Variants in PHLPP1 observed in about 807,000 individuals in gnomAD.
PHLPP1 encodes the protein PH domain and leucine rich repeat protein phosphatase 1.
Under a neutral mutation model 117.2 loss-of-function variants are expected in PHLPP1, and 42 were observed. That is an observed-to-expected ratio of 0.36 (90% CI 0.28 to 0.46). PHLPP1 has a LOEUF of 0.46. Ranked by LOEUF, PHLPP1 falls within the 20% of genes least tolerant of loss-of-function variation. PHLPP1 has a pLI of 1.00. For synonymous variants in PHLPP1, 1,042 were observed against 970.7 expected, an observed-to-expected ratio of 1.07 and a Z score of -1.37; for missense variants, 2,084 against 2,241.9, an observed-to-expected ratio of 0.93 and a Z score of 1.42.
At chr18:62,902,669 T>C (rs1916752382) in intron 6 of PHLPP1, among the ~76,000 whole-genome samples, 2 of 152,192 alleles carry the variant, frequency 1.3e-5, no homozygotes, top group Admixed American at 1.3e-4. Flanking sequence ...TTAAGTGGAA[T>C]TTTTTTCCCT....
chr18:62,849,942 A>C lies in PHLPP1; in HGVS notation c.1900-10493A>C, dbSNP rs560617479. Among the ~76,000 whole-genome samples the C allele has an allele frequency of 2.7e-5, 4 of 149,398 alleles. No individual in the cohort carries two copies. In the East Asian group the frequency reaches 7.8e-4, roughly 29 times the overall value. ...TTTCTACGCCTACTCCGAAGGGTTAAATTCTTCTACCCACTGGTCTAATTT... is the reference window on the plus strand; with the variant it reads ...TTTCTACGCCTACTCCGAAGGGTTACATTCTTCTACCCACTGGTCTAATTT... On this transcript the variant is annotated intron_variant, in intron 3 of 16. Transcript: ENST00000262719.
chr18:62,945,676 T>G (rs1910262266), intron 12 of PHLPP1, among the ~76,000 whole-genome samples: 1 of 152,190 alleles, frequency 6.6e-6, no homozygotes, highest in South Asian at 2.1e-4. Flanking sequence ...CCCTACCAAC[T>G]CACCCAGTTA....
intron 1 of PHLPP1, among the ~76,000 whole-genome samples, chr18:62,784,725 G>T (rs1170175008): frequency 6.6e-6 from 1 of 152,202 alleles, no homozygotes. Flanking sequence ...TTTTGAGAGT[G>T]AATTGGAACA....
At chr18:62,917,445 GGGACA>G (rs1909325528) in intron 9 of PHLPP1, among the ~76,000 whole-genome samples, 1 of 114,822 alleles carries the variant, frequency 8.7e-6, no homozygotes, top group Non-Finnish European at 1.9e-5. Flanking sequence ...TTTAACATGT[GGGACA>G]AAAAGAGTAT....
At chr18:62,823,640 A>G (rs990298813) in intron 1 of PHLPP1, among the ~76,000 whole-genome samples, 1 of 150,830 alleles carries the variant, frequency 6.6e-6, no homozygotes, top group Non-Finnish European at 1.5e-5. Context: ...GTAGATATAT[A>G]TAGATATCTG....
At chr18:62,971,001 T>G (rs1293764542) in intron 14 of PHLPP1, among the ~76,000 whole-genome samples, 1 of 152,212 alleles carries the variant, frequency 6.6e-6, no homozygotes, top group Non-Finnish European at 1.5e-5. Context: ...TTGTACTGGC[T>G]TAGAAATCTA....
intron 3 of PHLPP1, among the ~76,000 whole-genome samples, chr18:62,851,165 C>T (rs1205563609): frequency 6.6e-6 from 1 of 152,168 alleles, no homozygotes; most frequent in African/African-American, 2.4e-5. Context: ...CATGCTGCCT[C>T]CTCATCCCCA....
chr18:62,906,785 G>C (rs10451407), intron 8 of PHLPP1, among the ~76,000 whole-genome samples: 1 of 1,538 alleles, frequency 6.5e-4, no homozygotes, highest in South Asian at 6.5e-3. Context: ...CGGGAAGCTC[G>C]AACTGGGTGG....
At position 62,781,388 on chromosome 18, in the gene PHLPP1, T is replaced by C. The variant is rs546224916; in HGVS notation, c.1577-48647T>C. On this transcript the variant is annotated intron_variant, in intron 1 of 16. Coordinates refer to ENST00000262719, the MANE Select transcript of PHLPP1 (RefSeq NM_194449.4). The stretch of plus-strand genomic sequence containing the variant: ...CCTACCAGGGCCTCGCCATGGACAG[T>C]AGACAGGTGTCTGCTTCATCTTACG... 4.6e-5 allele frequency among the ~76,000 whole-genome samples: 7 copies of C among 152,330 alleles called. No individual in the cohort carries two copies. The East Asian group carries it at 9.7e-4, about 21-fold the overall frequency.
At chr18:62,897,206 T>A (rs1320904770) in intron 6 of PHLPP1, among the ~76,000 whole-genome samples, 3 of 152,176 alleles carry the variant, frequency 2.0e-5, no homozygotes, top group Admixed American at 6.5e-5. Context: ...CTGGTACATG[T>A]AGGGAGACAT....
chr18:62,943,686 A>G (rs1288942514), intron 11 of PHLPP1, among the ~76,000 whole-genome samples: 4 of 152,138 alleles, frequency 2.6e-5, no homozygotes, highest in African/African-American at 9.7e-5. Flanking sequence ...GAAGGGCATC[A>G]AGCCATTCAT....
intron 10 of PHLPP1, among the ~76,000 whole-genome samples, chr18:62,931,693 G>GACC (rs1030085649): frequency 6.6e-6 from 1 of 151,648 alleles, no homozygotes; most frequent in African/African-American, 2.4e-5. Flanking sequence ...AAGAGTTTGA[G>GACC]ACCAGCCTGG....
At chr18:62,863,716 T>C (rs1915692045) in intron 4 of PHLPP1, among the ~76,000 whole-genome samples, 1 of 152,236 alleles carries the variant, frequency 6.6e-6, no homozygotes, top group Non-Finnish European at 1.5e-5. Flanking sequence ...CAGCATACAA[T>C]GAGCCGTGAG....
chr18:62,972,217 ATCTTC>A (rs1337253714), intron 14 of PHLPP1, among the ~76,000 whole-genome samples: 1 of 151,622 alleles, frequency 6.6e-6, no homozygotes, highest in East Asian at 1.9e-4. Flanking sequence ...TGGATTCATA[ATCTTC>A]TCTTATTTCC....
At chr18:62,885,869 G>A (rs1251463722) in intron 4 of PHLPP1, among the ~76,000 whole-genome samples, 1 of 152,182 alleles carries the variant, frequency 6.6e-6, no homozygotes, top group Non-Finnish European at 1.5e-5. Flanking sequence ...AGTGTAGACA[G>A]TGATACATTT....
chr18:62,797,960 ACT>A (rs1913673434), intron 1 of PHLPP1, among the ~76,000 whole-genome samples: 1 of 152,162 alleles, frequency 6.6e-6, no homozygotes, highest in African/African-American at 2.4e-5. Context: ...TTACATAGTA[ACT>A]CTCAGTACAT....
chr18:62,949,971 C>T (rs192686042), intron 12 of PHLPP1, among the ~76,000 whole-genome samples: 4 of 152,300 alleles, frequency 2.6e-5, no homozygotes, highest in Admixed American at 2.6e-4. Context: ...TATTCTAAAC[C>T]CTTCCCCCGC....
intron 4 of PHLPP1, among the ~76,000 whole-genome samples, chr18:62,887,749 C>CT (rs1164607498): frequency 3.3e-5 from 5 of 151,868 alleles, no homozygotes; most frequent in South Asian, 4.1e-4. Context: ...TTTATTTTTT[C>CT]TTTTTTTAGG....
At chr18:62,951,812 ATTTTTTT>A (rs34516044) in intron 12 of PHLPP1, among the ~76,000 whole-genome samples, 13 of 101,422 alleles carry the variant, frequency 1.3e-4, no homozygotes, top group South Asian at 3.3e-4. Flanking sequence ...CACATAATTA[ATTTTTTT>A]TTTTTTTTTT....
Sources: allele counts gnomAD v4.1 joint callset (sites outside exome capture counted in the v4.1 genomes callset), GRCh38; gene constraint gnomAD v4.1.1; transcripts MANE v1.5; gene names NCBI Gene and HGNC (gene_info 2026-07-23, HGNC 2026-07-21).